Variants in DSPP observed in about 807,000 individuals in gnomAD.
The protein encoded by DSPP is deafness, autosomal dominant 39.
In DSPP, 28 loss-of-function variants were observed where a neutral mutation model predicts 29.1. The ratio of observed to expected loss-of-function variants is 0.96; its 90% CI spans 0.71 to 1.32. The LOEUF (loss-of-function observed/expected upper bound fraction) is 1.32, where lower values mean the gene tolerates loss of function less well. Ranked by LOEUF, DSPP falls within the 40% of genes most tolerant of loss-of-function variation. DSPP has a pLI of 0.00. For missense variants in DSPP, 1,281 were observed against 1,629.9 expected, an observed-to-expected ratio of 0.79 and a Z score of 3.69; for synonymous variants, 481 against 503.4, an observed-to-expected ratio of 0.96 and a Z score of 0.60.
At chr4:87,611,055 G>GTGTC in intron 2 of DSPP, 96 bp downstream of exon 2, 1 of 1,186,554 alleles carries the variant, frequency 8.4e-7, no homozygotes, top group Non-Finnish European at 1.3e-6. Context: ...GTGTGTGTGT[G>GTGTC]TGTGTGTGCA....
Position 87,616,088 on chromosome 4 carries a change from TGACAGCAGTGACAGCAGTGAAAGCAGC to T in DSPP, c.3444_3470del (p.Glu1149_Ser1157del). 2.1e-6 allele frequency: 3 copies of T among 1,458,712 alleles called. 1 individual carries two copies. The South Asian group carries it at 3.9e-5, about 19-fold the overall frequency. 90.4% of individuals were successfully genotyped at this position (1,458,712 alleles called of 1,614,324 possible). ...ATAGCAGTGACAGCAGCAACAGCAGTGACAGCAGTGACAGCAGTGAAAGCAGCGACAGCAGTGACAGCAGCGACAGCA... is the reference window on the plus strand; with the variant it reads ...ATAGCAGTGACAGCAGCAACAGCAGTGACAGCAGTGACAGCAGCGACAGCA... On this transcript the variant is annotated inframe_deletion, in exon 5 of 5. Coordinates refer to ENST00000651931, the MANE Select transcript of DSPP (RefSeq NM_014208.3).
In DSPP at chr4:87,613,945, A is replaced by C. The variant is rs778081500; in HGVS notation, c.1283A>C (p.Gln428Pro). 6.2e-7 allele frequency: 1 copy of C among 1,614,218 alleles called. No homozygotes were observed. Among genetic ancestry groups the C allele is most frequent in the Admixed American group, 1.7e-5 (1 of 60,034 alleles). Reference protein sequence around the residue: ...GEVVNIEGPGQKSEPGNKVGH... With the variant: ...GEVVNIEGPGPKSEPGNKVGH... ...GTTGTCAACATAGAAGGACCTGGCC[A>C]AAAATCAGAACCAGGAAATAAAGTT... The change falls in exon 5 of 5, where the codon CAA becomes CCA. Residue 428 changes from glutamine (Q) to proline (P), a missense_variant. Coordinates refer to ENST00000651931, the MANE Select transcript of DSPP (RefSeq NM_014208.3).
Position 87,612,443 on chromosome 4 carries a change from C to T in DSPP, c.257C>T (p.Ala86Val). 1 of 1,613,750 alleles carries T rather than the reference C, an allele frequency of 6.2e-7. No homozygotes were observed. The highest frequency in any genetic ancestry group is 1.3e-5 in the African/African-American group (1 of 74,934). The change falls in exon 4 of 5, where the codon GCA (alanine) becomes GTA (valine). Residue 86 changes from alanine (A) to valine (V), a missense_variant. Ala to Val is a moderately conservative substitution (Grantham distance 64). Around this residue, in one of 4 missense-constraint regions of DSPP, gnomAD observed 631 missense variants for 643.2 expected, o/e 0.98. Transcript: ENST00000651931. ...HKGEGNGSKW[A>V]EVGGKSFSTY... ...GGAGAAGGGAATGGCTCTAAGTGGG[C>T]AGAAGTAGGAGGGAAGAGTTTTTCT...
At position 87,610,972 on chromosome 4, in the gene DSPP, T is replaced by C; in HGVS notation, c.51+13T>C. The C allele has an allele frequency of 1.2e-6, 2 of 1,612,528 alleles. No individual in the cohort carries two copies. Among genetic ancestry groups the C allele is most frequent in the Non-Finnish European group, 1.7e-6 (2 of 1,178,778 alleles). On this transcript the variant is annotated intron_variant, in intron 2 of 4. Transcript: ENST00000651931. ...ATGGGCCATTCCAGTAAGTATGCCTTTCTTAGAAAACCTCTTCACTTTGTT... is the reference window on the plus strand; with the variant it reads ...ATGGGCCATTCCAGTAAGTATGCCTCTCTTAGAAAACCTCTTCACTTTGTT...
At position 87,615,269 on chromosome 4, in the gene DSPP, T is replaced by TAGCAGTGACAGCAGCAAC. The variant is rs1283368822; in HGVS notation, c.2622_2639dup (p.Asn875_Ser880dup). On this transcript the variant is annotated inframe_insertion, in exon 5 of 5. Transcript: ENST00000651931. Reference sequence around the variant, plus strand: ...GTAGTAATAGTAGTGACAGCAGCGATAGCAGTGACAGCAGCAACAGCAGTG... The same window carrying TAGCAGTGACAGCAGCAAC: ...GTAGTAATAGTAGTGACAGCAGCGATAGCAGTGACAGCAGCAACAGCAGTGACAGCAGCAACAGCAGTG... The TAGCAGTGACAGCAGCAAC allele has an allele frequency of 6.6e-7, 1 of 1,525,000 alleles. No individual in the cohort carries two copies. The highest frequency in any genetic ancestry group is 1.2e-5 in the South Asian group (1 of 81,364). 94.5% of individuals were successfully genotyped at this position (1,525,000 alleles called of 1,614,324 possible). A position where few individuals can be genotyped will look rare whatever the true frequency, so the allele number is the denominator to read the frequency against.
chr4:87,613,065 T>C lies in DSPP; in HGVS notation c.879T>C (p.Ser293=), dbSNP rs376401486. Residue 293 remains serine, a synonymous_variant, in exon 4 of 5, where the codon AGT becomes AGC. Transcript: ENST00000651931. The part of the protein sequence containing the change: ...QDHGKEDDHD[S]SIGQNSDSKE... ...ATGGGAAAGAAGATGATCATGATAG[T>C]AGCATAGGTCAAAATTCAGATAGTA... 1 of 1,613,982 alleles carries C rather than the reference T, an allele frequency of 6.2e-7. No individual in the cohort carries two copies. The highest frequency in any genetic ancestry group is 1.3e-5 in the African/African-American group (1 of 74,908).
intron 2 of DSPP, among the ~76,000 whole-genome samples, chr4:87,611,193 T>G (rs1030684420): frequency 1.3e-5 from 2 of 152,088 alleles, no homozygotes; most frequent in Admixed American, 6.6e-5. Context: ...ACAAAACCAC[T>G]CCAATTCATC....
In DSPP at chr4:87,612,581, C is replaced by G. The variant is rs1727757620; in HGVS notation, c.395C>G (p.Thr132Arg). 1 of 1,614,044 alleles carries G rather than the reference C, an allele frequency of 6.2e-7. No homozygotes were observed. ...ATACATGGGAAAGAAGAAAACATCA[C>G]AGCAAATGGCATCCAGGGACAAGTA... ...DGIHGKEENI[T>R]ANGIQGQVSI... Residue 132 changes from threonine to arginine, a missense_variant, in exon 4 of 5, where the codon ACA becomes AGA. By Grantham distance (71) the Thr-to-Arg change is moderately conservative. Transcript: ENST00000651931.
chr4:87,613,025 A>G lies in DSPP; in HGVS notation c.839A>G (p.Gln280Arg). The change falls in exon 4 of 5, where the codon CAG becomes CGG. Residue 280 changes from glutamine to arginine, a missense_variant. Coordinates refer to ENST00000651931, the MANE Select transcript of DSPP (RefSeq NM_014208.3). ...GACAGTAGTAATAACAGCAAGGGCC[A>G]GGAGGGCCAGGACCATGGGAAAGAA... ...GKDSSNNSKG[Q>R]EGQDHGKEDD... 1 of 1,614,184 alleles carries G rather than the reference A, an allele frequency of 6.2e-7. No homozygotes were observed. Among genetic ancestry groups the G allele is most frequent in the Non-Finnish European group, 8.5e-7 (1 of 1,180,026 alleles).
chr4:87,615,333 A>G lies in DSPP; in HGVS notation c.2671A>G (p.Ser891Gly), dbSNP rs1399951856. The G allele has an allele frequency of 6.6e-7, 1 of 1,514,934 alleles. No homozygotes were observed. The highest frequency in any genetic ancestry group is 1.4e-5 in the African/African-American group (1 of 71,762). The allele number at this position is 1,514,934 out of a possible 1,614,324, so 93.8% of individuals were successfully genotyped here. A position where few individuals can be genotyped will look rare whatever the true frequency, so the allele number is the denominator to read the frequency against. Residue 891 changes from serine to glycine, a missense_variant, in exon 5 of 5, where the codon AGC becomes GGC. Around this residue, in one of 4 missense-constraint regions of DSPP, gnomAD observed 444 missense variants for 611.4 expected, o/e 0.73. Transcript: ENST00000651931. ...DSSDSNESSN[S>G]SDSSDSSNSS... is the part of the protein sequence containing the mutation. The stretch of plus-strand genomic sequence containing the variant: ...CAGTGACAGCAACGAAAGCAGCAAT[A>G]GCAGTGACAGCAGTGATAGCAGCAA...
In DSPP at chr4:87,612,337, A is replaced by T; in HGVS notation, c.151A>T (p.Ser51Cys). ...NVSVQDELNA[S>C]GTIKESGVLV... ...TCTTTTTCAGGATGAGTTAAATGCC[A>T]GTGGAACCATCAAAGAAAGTGGTGT... Residue 51 changes from serine to cysteine, a missense_variant, in exon 4 of 5, where the codon AGT (serine) becomes TGT (cysteine). Physicochemically the swap from Ser to Cys is moderately radical, Grantham distance 112. Coordinates refer to ENST00000651931, the MANE Select transcript of DSPP (RefSeq NM_014208.3). 6.2e-7 allele frequency: 1 copy of T among 1,614,148 alleles called. No individual in the cohort carries two copies. Among genetic ancestry groups the T allele is most frequent in the South Asian group, 1.1e-5 (1 of 91,068 alleles).
chr4:87,616,748 A>T lies in DSPP; in HGVS notation c.*180A>T, dbSNP rs1162226410. 3 of 953,328 alleles carry T rather than the reference A, an allele frequency of 3.1e-6. No homozygotes were observed. Among genetic ancestry groups the T allele is most frequent in the Non-Finnish European group, 4.7e-6 (3 of 641,372 alleles). 59.1% of individuals were successfully genotyped at this position (953,328 alleles called of 1,614,324 possible). ...GAACCAAGACCTAACTCCTGCAGAG[A>T]CAGACTCTGAATGCATGACCTTTGG... On this transcript the variant is annotated 3_prime_UTR_variant, in exon 5 of 5. Coordinates refer to ENST00000651931, the MANE Select transcript of DSPP (RefSeq NM_014208.3).
Position 87,613,803 on chromosome 4 carries a change from C to T in DSPP, c.1141C>T (p.Pro381Ser), listed in dbSNP as rs1364599317. The T allele has an allele frequency of 6.2e-7, 1 of 1,613,978 alleles. No individual in the cohort carries two copies. The highest frequency in any genetic ancestry group is 8.5e-7 in the Non-Finnish European group (1 of 1,180,022). The change falls in exon 5 of 5, where the codon CCC (proline) becomes TCC (serine). Residue 381 changes from proline to serine, a missense_variant. Pro to Ser is a moderately conservative substitution (Grantham distance 74). Transcript: ENST00000651931. ...SQDKGIEIKG[P>S]SSGNRNITKE... ...TCCATAGGGAATAGAAATCAAGGGT[C>T]CCAGCAGTGGCAACAGAAATATTAC...
At chr4:87,613,694 G>T (rs1727785658) in intron 4 of DSPP, 91 bp from the exon 5 acceptor site, 13 of 1,576,024 alleles carry the variant, frequency 8.2e-6, no homozygotes, top group Non-Finnish European at 1.1e-5. Flanking sequence ...CTATCCCTAT[G>T]GCAACTTTTC....
chr4:87,611,964 C>G, intron 2 of DSPP, 141 bp from the exon 3 acceptor site: 1 of 868,084 alleles, frequency 1.2e-6, no homozygotes, highest in Non-Finnish European at 1.9e-6. Flanking sequence ...TTAGATCATA[C>G]TTTGGCCTTT....
Position 87,615,453 on chromosome 4 carries a change from G to A in DSPP, c.2791G>A (p.Asp931Asn), listed in dbSNP as rs1727866458. The A allele has an allele frequency of 1.9e-6, 3 of 1,550,052 alleles. No homozygotes were observed. Among genetic ancestry groups the A allele is most frequent in the South Asian group, 1.2e-5 (1 of 83,990 alleles). Residue 931 changes from aspartate to asparagine, a missense_variant, in exon 5 of 5, where the codon GAC (aspartate) becomes AAC (asparagine). Around this residue, in one of 4 missense-constraint regions of DSPP, gnomAD observed 444 missense variants for 611.4 expected, o/e 0.73. Coordinates refer to ENST00000651931, the MANE Select transcript of DSPP (RefSeq NM_014208.3). ...TAGCAGTGAAAGCAGTAATAGTAGT[G>A]ACAACAGCAATAGCAGTGACAGCAG... is the stretch of plus-strand genomic sequence containing the variant. ...SDSSESSNSS[D>N]NSNSSDSSNS... is the part of the protein sequence containing the mutation.
Position 87,612,571 on chromosome 4 carries a change from G to GA in DSPP, c.389dup (p.Asn130LysfsTer15). 6.2e-7 allele frequency: 1 copy of GA among 1,614,074 alleles called. No homozygotes were observed. The highest frequency in any genetic ancestry group is 8.5e-7 in the Non-Finnish European group (1 of 1,179,980). On this transcript the variant is annotated frameshift_variant, in exon 4 of 5. Transcript: ENST00000651931. LOFTEE classifies it high-confidence loss of function. The stretch of plus-strand genomic sequence containing the variant: ...TCATGATGGAATACATGGGAAAGAA[G>GA]AAAACATCACAGCAAATGGCATCCA...
Position 87,614,621 on chromosome 4 carries a change from C to A in DSPP, c.1959C>A (p.Asn653Lys). The A allele has an allele frequency of 6.5e-7, 1 of 1,546,910 alleles. No homozygotes were observed. The highest frequency in any genetic ancestry group is 8.7e-7 in the Non-Finnish European group (1 of 1,143,480). Residue 653 changes from asparagine to lysine, a missense_variant, in exon 5 of 5, where the codon AAC (asparagine) becomes AAA (lysine). Physicochemically the swap from Asn to Lys is moderately conservative, Grantham distance 94. Around this residue, in one of 4 missense-constraint regions of DSPP, gnomAD observed 444 missense variants for 611.4 expected, o/e 0.73. Transcript: ENST00000651931. ...SDSNSSDSSD[N>K]SDSSDSSNSS... ...GCAACAGCAGTGACAGTAGTGACAA[C>A]AGTGATAGCAGCGACAGCAGCAATA...
Position 87,616,212 on chromosome 4 carries a change from AGCG to A in DSPP, c.3551_3553del (p.Ser1184_Asp1185delinsAsn). The A allele has an allele frequency of 6.5e-7, 1 of 1,542,456 alleles. No homozygotes were observed. Among genetic ancestry groups the A allele is most frequent in the Non-Finnish European group, 8.8e-7 (1 of 1,142,160 alleles). ...TGACAGCAGCAATAGCAGTGATAGC[AGCG>A]ACAGCAGTGATAGCAGTGACAGCAG... On this transcript the variant is annotated inframe_deletion, in exon 5 of 5. Transcript: ENST00000651931.
Sources: allele counts gnomAD v4.1 joint callset (sites outside exome capture counted in the v4.1 genomes callset), GRCh38; gene constraint gnomAD v4.1.1; regional missense constraint gnomAD v4.1.1; transcripts MANE v1.5; gene names NCBI Gene and HGNC (gene_info 2026-07-23, HGNC 2026-07-21).